The following CADPS2 variants were observed in gnomAD, a reference collection of about 807,000 sequenced individuals.
The protein encoded by CADPS2 is calcium dependent secretion activator 2.
CADPS2 carries 93 observed loss-of-function variants against 172.5 expected under a neutral mutation model. That is an observed-to-expected ratio of 0.54 (90% CI 0.46 to 0.64). The LOEUF (loss-of-function observed/expected upper bound fraction) is 0.64, where lower values mean the gene tolerates loss of function less well. CADPS2 is among the 30% of genes least tolerant of loss of function. CADPS2 has a pLI of 0.00. For missense variants in CADPS2, 1,420 were observed against 1,565.9 expected, an observed-to-expected ratio of 0.91 and a Z score of 1.57; for synonymous variants, 546 against 555.2, an observed-to-expected ratio of 0.98 and a Z score of 0.23.
intron 14 of CADPS2, among the ~76,000 whole-genome samples, chr7:122,463,145 C>T (rs1165212112): frequency 6.6e-6 from 1 of 151,214 alleles, no homozygotes; most frequent in Non-Finnish European, 1.5e-5. Context: ...CTAAAGAATA[C>T]ATATATTTTT....
chr7:122,342,656 C>T (rs2036962492), intron 28 of CADPS2, among the ~76,000 whole-genome samples: 2 of 152,072 alleles, frequency 1.3e-5, no homozygotes, highest in African/African-American at 4.8e-5. Context: ...AGTTTAAGCC[C>T]TCATGTTGCA....
chr7:122,384,461 TG>T (rs200431591), intron 24 of CADPS2, among the ~76,000 whole-genome samples: 2,582 of 152,220 alleles, frequency 0.017, 35 homozygotes, highest in Non-Finnish European at 0.027. Context: ...TTTTTATAAA[TG>T]AGGTCCGCTG....
chr7:122,866,845 TA>T (rs1318597995), intron 1 of CADPS2, among the ~76,000 whole-genome samples: 1 of 152,134 alleles, frequency 6.6e-6, no homozygotes, highest in Non-Finnish European at 1.5e-5. Context: ...CCAGCACACC[TA>T]AATTCCGAAC....
rs542437425 is a variant in CADPS2, at chr7:122,801,014, T to C, written c.340-63946A>G. On this transcript the variant is annotated intron_variant, in intron 1 of 29. Coordinates refer to ENST00000449022, the MANE Select transcript of CADPS2 (RefSeq NM_017954.11). ...CTCAAAAAAAAAAAAAAAAAGAAAA[T>C]TCAAGTGAACTTCTTACCTTGGGGT... is the stretch of plus-strand genomic sequence containing the variant. 9.0e-5 allele frequency among the ~76,000 whole-genome samples: 13 copies of C among 143,978 alleles called. 1 individual carries two copies. Among genetic ancestry groups the C allele is most frequent in the African/African-American group, 3.3e-4 (13 of 39,062 alleles). 94.5% of individuals were successfully genotyped at this position (143,978 alleles called of 152,430 possible). A position where few individuals can be genotyped will look rare whatever the true frequency, so the allele number is the denominator to read the frequency against.
chr7:122,666,194 G>A (rs868756143), intron 2 of CADPS2, among the ~76,000 whole-genome samples: 32 of 151,946 alleles, frequency 2.1e-4, no homozygotes, highest in Admixed American at 1.9e-3. Context: ...CACAATTTTG[G>A]TCTATCTGTA....
chr7:122,763,843 G>T (rs895518113), intron 1 of CADPS2, among the ~76,000 whole-genome samples: 1 of 152,050 alleles, frequency 6.6e-6, no homozygotes, highest in Non-Finnish European at 1.5e-5. Flanking sequence ...GAGATCGGGC[G>T]CATTCAGGGT....
At chr7:122,650,908 C>T (rs1385654317) in intron 3 of CADPS2, among the ~76,000 whole-genome samples, 1 of 152,010 alleles carries the variant, frequency 6.6e-6, no homozygotes, top group African/African-American at 2.4e-5. Flanking sequence ...AATATTATGG[C>T]CACTCCAATG....
chr7:122,784,590 A>G (rs1218993336), intron 1 of CADPS2, among the ~76,000 whole-genome samples: 4 of 152,242 alleles, frequency 2.6e-5, no homozygotes, highest in Non-Finnish European at 5.9e-5. Context: ...GTTGAAAGTA[A>G]GATTCTTGGA....
intron 8 of CADPS2, among the ~76,000 whole-genome samples, chr7:122,545,612 C>G (rs1359738656): frequency 6.6e-6 from 1 of 151,820 alleles, no homozygotes; most frequent in Non-Finnish European, 1.5e-5. Flanking sequence ...ATGGGAACAT[C>G]GTAGAAAAGT....
At chr7:122,592,537 A>C (rs577695426) in intron 6 of CADPS2, among the ~76,000 whole-genome samples, 1 of 152,298 alleles carries the variant, frequency 6.6e-6, no homozygotes, top group South Asian at 2.1e-4. Context: ...ACACATGCAC[A>C]CGTATGTTTA....
chr7:122,578,326 G>T (rs570534819), intron 7 of CADPS2, among the ~76,000 whole-genome samples: 2 of 152,154 alleles, frequency 1.3e-5, no homozygotes, highest in East Asian at 1.9e-4. Flanking sequence ...TAAAACACAT[G>T]TAACAACCTA....
chr7:122,699,709 A>G (rs1439636268), intron 2 of CADPS2, among the ~76,000 whole-genome samples: 3 of 152,206 alleles, frequency 2.0e-5, no homozygotes, highest in African/African-American at 7.2e-5. Context: ...GTACAAATGT[A>G]GTAAGACTGA....
At chr7:122,579,480 T>TATATATATATATATATATATATAC (rs2068521456) in intron 7 of CADPS2, among the ~76,000 whole-genome samples, 4 of 145,052 alleles carry the variant, frequency 2.8e-5, no homozygotes, top group African/African-American at 1.0e-4. Context: ...TATATATATA[T>TATATATATATATATATATATATAC]GTCACTTATG....
intron 2 of CADPS2, among the ~76,000 whole-genome samples, chr7:122,709,486 G>A (rs1279293480): frequency 6.6e-6 from 1 of 151,838 alleles, no homozygotes; most frequent in Non-Finnish European, 1.5e-5. Context: ...AACCATTGTG[G>A]AAGCCAGTGC....
intron 1 of CADPS2, among the ~76,000 whole-genome samples, chr7:122,856,031 G>A (rs1815088528): frequency 6.6e-6 from 1 of 152,166 alleles, no homozygotes; most frequent in South Asian, 2.1e-4. Context: ...TGGAGCCCAT[G>A]GCCCCTTCCC....
chr7:122,669,627 C>T (rs1436250773), intron 2 of CADPS2, among the ~76,000 whole-genome samples: 2 of 151,844 alleles, frequency 1.3e-5, no homozygotes, highest in Admixed American at 6.6e-5. Context: ...CTTGGCCCTA[C>T]GTGTAGAGGA....
At chr7:122,484,660 G>A (rs1366494465) in intron 11 of CADPS2, among the ~76,000 whole-genome samples, 1 of 131,570 alleles carries the variant, frequency 7.6e-6, no homozygotes, top group Non-Finnish European at 1.6e-5. Flanking sequence ...TCAAAATTAA[G>A]AATTTCTTTT....
chr7:122,477,660 G>C (rs555873594), intron 12 of CADPS2, among the ~76,000 whole-genome samples: 85 of 152,104 alleles, frequency 5.6e-4, no homozygotes, highest in African/African-American at 2.0e-3. Context: ...TGCTTTTTTA[G>C]TAATAAAATT....
At chr7:122,471,255 C>G in intron 14 of CADPS2, 120 bp downstream of exon 14, 1,132 of 241,424 alleles carry the variant, frequency 4.7e-3, no homozygotes, top group East Asian at 0.012. Context: ...TTTTTTTTTT[C>G]CTTGTAAGAA....
Sources: gnomAD v4.1 joint callset for allele counts (sites outside exome capture counted in the v4.1 genomes callset) on GRCh38, gnomAD v4.1.1 for gene constraint, MANE v1.5 for transcripts, NCBI Gene and HGNC (gene_info 2026-07-23, HGNC 2026-07-21) for gene names.